Variants in ARSB observed in about 807,000 individuals in gnomAD.
ARSB encodes arylsulfatase B.
A neutral mutation model predicts 50.9 loss-of-function variants in ARSB; 41 were observed. The ratio of observed to expected loss-of-function variants is 0.81; its 90% CI spans 0.63 to 1.04. The LOEUF is 1.04. Among genes scored for constraint, ARSB ranks in the 50% least tolerant of loss-of-function variants. ARSB has a pLI of 0.00. For synonymous variants in ARSB, 269 were observed against 284.8 expected, an observed-to-expected ratio of 0.94 and a Z score of 0.56; for missense variants, 672 against 693.3, an observed-to-expected ratio of 0.97 and a Z score of 0.35.
chr5:78,873,486 T>C (rs1039370312), intron 5 of ARSB, among the ~76,000 whole-genome samples: 12 of 126,694 alleles, frequency 9.5e-5, no homozygotes, highest in African/African-American at 2.9e-4. Context: ...GAATATAATA[T>C]TTAAAACTGT....
chr5:78,860,115 G>C (rs1364913061), intron 5 of ARSB, among the ~76,000 whole-genome samples: 2 of 152,212 alleles, frequency 1.3e-5, no homozygotes, highest in Admixed American at 1.3e-4. Context: ...TTGGGGTGCA[G>C]AGTTCTGTAG....
At chr5:78,910,210 C>T (rs756068321) in intron 4 of ARSB, among the ~76,000 whole-genome samples, 6 of 152,330 alleles carry the variant, frequency 3.9e-5, no homozygotes, top group South Asian at 2.1e-4. Context: ...ACCCGGGGAC[C>T]GGTGCCGGTG....
At chr5:78,870,257 C>G (rs1269365658) in intron 5 of ARSB, among the ~76,000 whole-genome samples, 1 of 126,042 alleles carries the variant, frequency 7.9e-6, no homozygotes, top group Non-Finnish European at 1.7e-5. Flanking sequence ...TGGTACCATT[C>G]TTTCTGAAAC....
intron 4 of ARSB, among the ~76,000 whole-genome samples, chr5:78,886,449 T>A (rs1421027545): frequency 2.0e-5 from 3 of 152,140 alleles, no homozygotes; most frequent in Middle Eastern, 3.4e-3. Flanking sequence ...GTGAAAAAAA[T>A]TTTTCCCCTC....
At chr5:78,900,333 A>G (rs1342675679) in intron 4 of ARSB, among the ~76,000 whole-genome samples, 3 of 152,062 alleles carry the variant, frequency 2.0e-5, no homozygotes, top group South Asian at 2.1e-4. Context: ...CCTCAGAGAT[A>G]TTTCTCCCTA....
chr5:78,849,899 G>A (rs1272368540), intron 5 of ARSB, among the ~76,000 whole-genome samples: 1 of 150,732 alleles, frequency 6.6e-6, no homozygotes, highest in Non-Finnish European at 1.5e-5. Flanking sequence ...TGTGATTTTT[G>A]TACATTGATT....
chr5:78,867,477 G>A (rs578201003), intron 5 of ARSB, among the ~76,000 whole-genome samples: 17 of 152,202 alleles, frequency 1.1e-4, no homozygotes, highest in Non-Finnish European at 1.6e-4. Flanking sequence ...ATCTGAGAAC[G>A]GGTAGACTGC....
intron 4 of ARSB, among the ~76,000 whole-genome samples, chr5:78,892,553 G>C (rs575599814): frequency 6.6e-6 from 1 of 152,148 alleles, no homozygotes; most frequent in Non-Finnish European, 1.5e-5. Context: ...ACCACGCCCA[G>C]CCTGCATTCT....
chr5:78,851,943 C>A (rs533992049), intron 5 of ARSB, among the ~76,000 whole-genome samples: 10 of 152,138 alleles, frequency 6.6e-5, no homozygotes, highest in African/African-American at 2.2e-4. Context: ...TTATTTTGAG[C>A]CTTTGTGTGT....
At chr5:78,867,037 G>C (rs555845959) in intron 5 of ARSB, among the ~76,000 whole-genome samples, 2 of 152,154 alleles carry the variant, frequency 1.3e-5, no homozygotes, top group Admixed American at 1.3e-4. Context: ...TTCCCTTTCC[G>C]AGTCAAAGAA....
At chr5:78,902,914 T>C (rs1748871089) in intron 4 of ARSB, among the ~76,000 whole-genome samples, 1 of 152,184 alleles carries the variant, frequency 6.6e-6, no homozygotes, top group Non-Finnish European at 1.5e-5. Flanking sequence ...ATGAATTTCA[T>C]GGTATATGAA....
intron 1 of ARSB, among the ~76,000 whole-genome samples, chr5:78,979,612 G>C (rs1482888132): frequency 6.6e-6 from 1 of 152,130 alleles, no homozygotes; most frequent in Admixed American, 6.5e-5. Context: ...ACTGTAGCAG[G>C]GACTCTGACC....
intron 1 of ARSB, among the ~76,000 whole-genome samples, chr5:78,980,940 T>TGAATTTACCAGTAACTACTTACCCCA (rs1259603081): frequency 2.2e-5 from 1 of 44,784 alleles, no homozygotes; most frequent in African/African-American, 1.1e-4. Flanking sequence ...TTCTAGTTCT[T>TGAATTTACCAGTAACTACTTACCCCA]TTTTTTTTTT....
chr5:78,872,816 T>TAA (rs56211605), intron 5 of ARSB, among the ~76,000 whole-genome samples: 11,742 of 127,888 alleles, frequency 0.092, 739 homozygotes, highest in African/African-American at 0.18. Context: ...AAAGTATAAT[T>TAA]AAAAAAAAAA....
chr5:78,943,356 T>C (rs1424244016), intron 4 of ARSB, among the ~76,000 whole-genome samples: 4 of 152,320 alleles, frequency 2.6e-5, no homozygotes, highest in Admixed American at 6.5e-5. Flanking sequence ...TTAGTTGATG[T>C]AGTTTCTTCC....
intron 6 of ARSB, among the ~76,000 whole-genome samples, chr5:78,807,706 A>T (rs536713482): frequency 3.3e-5 from 5 of 152,362 alleles, no homozygotes; most frequent in African/African-American, 1.2e-4. Context: ...AGATCCTCAG[A>T]GGTAACCAGG....
At chr5:78,888,084 G>A (rs1748118640) in intron 4 of ARSB, among the ~76,000 whole-genome samples, 1 of 152,146 alleles carries the variant, frequency 6.6e-6, no homozygotes, top group South Asian at 2.1e-4. Context: ...AGTTAGATCA[G>A]GTGAGGAAAC....
intron 6 of ARSB, among the ~76,000 whole-genome samples, chr5:78,794,535 A>C (rs923354837): frequency 6.6e-6 from 1 of 152,158 alleles, no homozygotes; most frequent in Admixed American, 6.6e-5. Flanking sequence ...AGGACCGATA[A>C]GGGAGGCAAA....
intron 4 of ARSB, among the ~76,000 whole-genome samples, chr5:78,928,680 C>T (rs149374813): frequency 1.1e-3 from 163 of 152,188 alleles, no homozygotes; most frequent in Non-Finnish European, 1.8e-3. Context: ...AAAATTCTTC[C>T]ATCGAAGAAT....
Sources: allele counts gnomAD v4.1 joint callset (sites outside exome capture counted in the v4.1 genomes callset), GRCh38; gene constraint gnomAD v4.1.1; transcripts MANE v1.5; gene names NCBI Gene and HGNC (gene_info 2026-07-23, HGNC 2026-07-21).